KLHL14: variants seen among roughly 807,000 people sequenced by gnomAD.
KLHL14 encodes the protein kelch like family member 14, also known as kelch-like protein 14.
A neutral mutation model predicts 64.3 loss-of-function variants in KLHL14; 22 were observed. The observed-to-expected ratio is 0.34, with a 90% CI of 0.24 to 0.49. The LOEUF (loss-of-function observed/expected upper bound fraction) is 0.49. KLHL14 is among the 20% of genes least tolerant of loss of function. The pLI, the probability that KLHL14 is intolerant of heterozygous loss-of-function variation, is 0.99. For synonymous variants in KLHL14, 322 were observed against 333.4 expected, an observed-to-expected ratio of 0.97 and a Z score of 0.37; for missense variants, 661 against 789.0, an observed-to-expected ratio of 0.84 and a Z score of 1.94.
chr18:32,689,443 A>T (rs563783208), intron 4 of KLHL14, among the ~76,000 whole-genome samples: 64 of 152,264 alleles, frequency 4.2e-4, no homozygotes, highest in African/African-American at 1.5e-3. Context: ...AGAAGTGACT[A>T]TAGGATTTGG....
At chr18:32,691,320 G>A (rs1266123193) in intron 4 of KLHL14, among the ~76,000 whole-genome samples, 1 of 152,168 alleles carries the variant, frequency 6.6e-6, no homozygotes, top group Non-Finnish European at 1.5e-5. Context: ...TCAGAGAAGA[G>A]GCTAAGCAGA....
rs564809826 is a variant in KLHL14 at position 32,736,212 on chromosome 18, T to A, written c.1069+5716A>T. Among the ~76,000 whole-genome samples the A allele has an allele frequency of 8.5e-5, 13 of 152,276 alleles. No homozygotes were observed. In the East Asian group the frequency reaches 2.5e-3, roughly 29 times the overall value. ...TACCCAGCTTCCTTGAAATACAGTA[T>A]TTGGAGTGACCACCACACATATTTT... On this transcript the variant is annotated intron_variant, in intron 3 of 8. Coordinates refer to ENST00000359358, the MANE Select transcript of KLHL14 (RefSeq NM_020805.3).
Position 32,769,756 on chromosome 18 carries a change from T to A in KLHL14, c.836A>T (p.Gln279Leu). The change falls in exon 2 of 9, where the codon CAG becomes CTG. Residue 279 changes from glutamine to leucine, a missense_variant. Around this residue, in one of 2 missense-constraint regions of KLHL14, gnomAD observed 330 missense variants for 450.0 expected, o/e 0.73. Coordinates refer to ENST00000359358, the MANE Select transcript of KLHL14 (RefSeq NM_020805.3). ...IPAPELVERV[Q>L]SVDFMRTDPV... ...GTCGGTTCGCATGAAATCCACTGAC[T>A]GGACCCGCTCCACCAGCTCCGGGGC... 1 of 1,607,528 alleles carries A rather than the reference T, an allele frequency of 6.2e-7. No homozygotes were observed. Among genetic ancestry groups the A allele is most frequent in the Non-Finnish European group, 8.5e-7 (1 of 1,176,074 alleles).
chr18:32,709,938 T>C (rs1424173343), intron 3 of KLHL14, among the ~76,000 whole-genome samples: 1 of 152,198 alleles, frequency 6.6e-6, no homozygotes, highest in Non-Finnish European at 1.5e-5. Flanking sequence ...AATAAGTATG[T>C]AGGTTTAGCT....
chr18:32,729,303 C>T (rs1177224414), intron 3 of KLHL14, among the ~76,000 whole-genome samples: 1 of 152,006 alleles, frequency 6.6e-6, no homozygotes, highest in Non-Finnish European at 1.5e-5. Context: ...CTGTGCTGTT[C>T]ATACAGAAGC....
Position 32,769,737 on chromosome 18 carries a change from T to C in KLHL14, c.855A>G (p.Arg285=). 1 of 1,599,830 alleles carries C rather than the reference T, an allele frequency of 6.3e-7. No homozygotes were observed. The highest frequency in any genetic ancestry group is 8.5e-7 in the Non-Finnish European group (1 of 1,171,316). Residue 285 remains arginine, a synonymous_variant, in exon 2 of 9, where the codon CGA becomes CGG. Transcript: ENST00000359358. ...GCAGCTTCTGGCAGACCGGGTCGGT[T>C]CGCATGAAATCCACTGACTGGACCC... ...VERVQSVDFM[R]TDPVCQKLLL...
At chr18:32,702,927 G>A (rs536799158) in intron 3 of KLHL14, among the ~76,000 whole-genome samples, 1 of 152,262 alleles carries the variant, frequency 6.6e-6, no homozygotes, top group South Asian at 2.1e-4. Flanking sequence ...GCACATTTAG[G>A]AGGCTGTGCA....
chr18:32,734,586 A>G (rs2050154097), intron 3 of KLHL14, among the ~76,000 whole-genome samples: 1 of 152,242 alleles, frequency 6.6e-6, no homozygotes, highest in Non-Finnish European at 1.5e-5. Context: ...ACTTTAGATG[A>G]GCAGAAGATA....
chr18:32,686,413 G>A (rs1251766526), intron 5 of KLHL14, among the ~76,000 whole-genome samples: 4 of 152,080 alleles, frequency 2.6e-5, no homozygotes, highest in Admixed American at 6.5e-5. Context: ...CTGTGAATTT[G>A]CATGTGCAGA....
chr18:32,730,888 G>T (rs1374534360), intron 3 of KLHL14, among the ~76,000 whole-genome samples: 2 of 152,156 alleles, frequency 1.3e-5, no homozygotes, highest in Non-Finnish European at 2.9e-5. Flanking sequence ...AGGTCGGTAG[G>T]ATTAATAATT....
chr18:32,734,475 T>A (rs891454674), intron 3 of KLHL14, among the ~76,000 whole-genome samples: 2 of 152,124 alleles, frequency 1.3e-5, no homozygotes, highest in Non-Finnish European at 2.9e-5. Flanking sequence ...ACTTTTGGAG[T>A]TATTACCGCA....
intron 2 of KLHL14, among the ~76,000 whole-genome samples, chr18:32,762,081 C>A (rs1436131621): frequency 6.6e-6 from 1 of 151,692 alleles, no homozygotes; most frequent in Non-Finnish European, 1.5e-5. Flanking sequence ...CATTACCTAG[C>A]ACAACAATGG....
chr18:32,709,785 G>A (rs2050010175), intron 3 of KLHL14, among the ~76,000 whole-genome samples: 1 of 152,206 alleles, frequency 6.6e-6, no homozygotes, highest in African/African-American at 2.4e-5. Context: ...TTTGCACATA[G>A]TGGATGCCCA....
At chr18:32,725,581 C>T (rs2050104144) in intron 3 of KLHL14, among the ~76,000 whole-genome samples, 1 of 152,212 alleles carries the variant, frequency 6.6e-6, no homozygotes, top group South Asian at 2.1e-4. Flanking sequence ...CCTGGCACAG[C>T]ACGAGAGTTA....
At chr18:32,734,786 T>G (rs1290023645) in intron 3 of KLHL14, among the ~76,000 whole-genome samples, 2 of 152,148 alleles carry the variant, frequency 1.3e-5, no homozygotes, top group Non-Finnish European at 2.9e-5. Flanking sequence ...CAGATAAGAT[T>G]AAAAGATCAG....
In KLHL14 at chr18:32,680,635, G is replaced by T; in HGVS notation, c.1239-36C>A. On this transcript the variant is annotated intron_variant, in intron 5 of 8. Coordinates refer to ENST00000359358, the MANE Select transcript of KLHL14 (RefSeq NM_020805.3). The surrounding 1 kb of genome is among the most constrained non-coding windows in gnomAD (Gnocchi z 4.8). ...AAGAACCCACAGTAAATCACAAGAG[G>T]AGCTGTGAAATGTTACCTTTCGAAA... 1 of 1,552,408 alleles carries T rather than the reference G, an allele frequency of 6.4e-7. No homozygotes were observed. The highest frequency in any genetic ancestry group is 8.7e-7 in the Non-Finnish European group (1 of 1,145,718).
intron 4 of KLHL14, among the ~76,000 whole-genome samples, chr18:32,694,085 T>C (rs1049967108): frequency 2.0e-5 from 3 of 152,200 alleles, no homozygotes; most frequent in Admixed American, 2.0e-4. Context: ...CAGTGTTTTG[T>C]GAGAATGAAT....
At chr18:32,691,262 T>C (rs2049906338) in intron 4 of KLHL14, among the ~76,000 whole-genome samples, 1 of 152,162 alleles carries the variant, frequency 6.6e-6, no homozygotes, top group Non-Finnish European at 1.5e-5. Context: ...GCATTGGTGG[T>C]AGAAACTAGC....
chr18:32,709,141 G>A (rs548529324), intron 3 of KLHL14, among the ~76,000 whole-genome samples: 1 of 152,214 alleles, frequency 6.6e-6, no homozygotes, highest in East Asian at 1.9e-4. Context: ...AGATCACACG[G>A]CCTGGCCCTG....
Sources: allele counts gnomAD v4.1 joint callset (sites outside exome capture counted in the v4.1 genomes callset), GRCh38; gene constraint gnomAD v4.1.1; regional missense constraint gnomAD v4.1.1; non-coding constraint Gnocchi (gnomAD v3.1); transcripts MANE v1.5; gene names NCBI Gene and HGNC (gene_info 2026-07-23, HGNC 2026-07-21).